The following USP9X variants were observed in gnomAD, a reference collection of about 807,000 sequenced individuals.
USP9X encodes ubiquitin carboxyl-terminal hydrolase 9X.
A neutral mutation model predicts 190.3 loss-of-function variants in USP9X; 7 were observed. The observed-to-expected ratio is 0.04, with a 90% CI of 0.02 to 0.07. The LOEUF is 0.07. Ranked by LOEUF, USP9X falls within the 10% of genes least tolerant of loss-of-function variation. The pLI is 1.00. For missense variants in USP9X, 1,010 were observed against 1,916.9 expected, an observed-to-expected ratio of 0.53 and a Z score of 8.83; for synonymous variants, 645 against 659.5, an observed-to-expected ratio of 0.98 and a Z score of 0.34.
Position 41,152,944 on chromosome X carries a change from T to G in USP9X, c.1764-4T>G. 8.3e-7 allele frequency: 1 copy of G among 1,206,624 alleles called. No individual in the cohort carries two copies. The highest frequency in any genetic ancestry group is 2.3e-4 in the Middle Eastern group (1 of 4,328). On this transcript the variant is annotated splice_region_variant and splice_polypyrimidine_tract_variant and intron_variant, in intron 13 of 44. Transcript: ENST00000378308. ...ATTATATTGTTAAGTTCTTCTCGTT[T>G]CAGTCAAACTCAGCGAAGTCCCCAT...
chrX:41,099,096 G>GTTTTTTTTTTT (rs34179321), intron 1 of USP9X, among the ~76,000 whole-genome samples: 977 of 44,246 alleles, frequency 0.022, 122 homozygotes, highest in Admixed American at 0.026. Context: ...CCAGATAATT[G>GTTTTTTTTTTT]TTTTTTTTTT....
intron 4 of USP9X, 29 bp downstream of exon 4, chrX:41,131,565 A>G (rs2062317550): frequency 8.8e-7 from 1 of 1,140,190 alleles, no homozygotes; most frequent in East Asian, 3.0e-5. Flanking sequence ...TGCTTCCTAT[A>G]ATGTATGCTA....
chrX:41,225,587 A>G (rs1458230617), intron 41 of USP9X, among the ~76,000 whole-genome samples: 3 of 112,463 alleles, frequency 2.7e-5, no homozygotes, highest in Non-Finnish European at 5.6e-5. Context: ...TATATTCTGT[A>G]AAGTCACCAC....
At chrX:41,120,605 C>T (rs905515586) in intron 1 of USP9X, among the ~76,000 whole-genome samples, 2 of 110,139 alleles carry the variant, frequency 1.8e-5, no homozygotes, top group Admixed American at 9.7e-5. Flanking sequence ...TCACGCCATT[C>T]TCCTGCCTCA....
chrX:41,123,819 G>T, intron 2 of USP9X, 95 bp downstream of exon 2: 1 of 832,722 alleles, frequency 1.2e-6, no homozygotes. Flanking sequence ...GAGGCAGGCA[G>T]ATCACTTGAG....
intron 2 of USP9X, among the ~76,000 whole-genome samples, chrX:41,125,380 A>G (rs1317337014): frequency 2.0e-5 from 2 of 100,265 alleles, no homozygotes; most frequent in African/African-American, 3.6e-5. Flanking sequence ...CGGCCGATCC[A>G]TTTTTTTTTT....
intron 9 of USP9X, among the ~76,000 whole-genome samples, chrX:41,141,854 A>G (rs1326457231): frequency 4.5e-5 from 5 of 111,932 alleles, no homozygotes; most frequent in Non-Finnish European, 7.5e-5. Context: ...AGATCTATAC[A>G]AATTGTTTTA....
chrX:41,126,859 A>G (rs1484961032), intron 2 of USP9X, among the ~76,000 whole-genome samples: 4 of 111,567 alleles, frequency 3.6e-5, no homozygotes, highest in Non-Finnish European at 7.5e-5. Context: ...GTGCTGGCAT[A>G]AAGGGAATTT....
intron 41 of USP9X, among the ~76,000 whole-genome samples, chrX:41,227,991 T>C (rs762768739): frequency 1.8e-5 from 2 of 112,042 alleles, no homozygotes; most frequent in South Asian, 3.7e-4. Context: ...TGAGCCACCG[T>C]GCCCATCCCA....
At chrX:41,127,266 A>G (rs2062263607) in intron 2 of USP9X, among the ~76,000 whole-genome samples, 1 of 111,817 alleles carries the variant, frequency 8.9e-6, no homozygotes, top group African/African-American at 3.3e-5. Context: ...TTATCTGGCC[A>G]TTAATATTTT....
At chrX:41,102,750 T>G (rs922380269) in intron 1 of USP9X, among the ~76,000 whole-genome samples, 1 of 111,597 alleles carries the variant, frequency 9.0e-6, no homozygotes, top group African/African-American at 3.3e-5. Flanking sequence ...GTTAGATAAT[T>G]TTGTCAAAAA....
intron 11 of USP9X, among the ~76,000 whole-genome samples, chrX:41,145,235 G>A (rs994174041): frequency 2.7e-5 from 3 of 111,691 alleles, no homozygotes; most frequent in South Asian, 3.7e-4. Flanking sequence ...GGTCACCAAC[G>A]TTTCTTGTTA....
At chrX:41,203,448 T>G (rs1325330326) in intron 31 of USP9X, among the ~76,000 whole-genome samples, 1 of 112,466 alleles carries the variant, frequency 8.9e-6, no homozygotes, top group Non-Finnish European at 1.9e-5. Context: ...CATACAGTGT[T>G]TGCCTTTGCA....
At chrX:41,214,541 TA>T (rs2063195005) in intron 33 of USP9X, 26 bp from the exon 34 acceptor site, 1 of 1,143,439 alleles carries the variant, frequency 8.7e-7, no homozygotes, top group East Asian at 3.1e-5. Context: ...AACTAAGGGA[TA>T]AATCCTTTTT....
intron 1 of USP9X, among the ~76,000 whole-genome samples, chrX:41,096,195 C>G (rs1057352333): frequency 8.9e-6 from 1 of 111,989 alleles, no homozygotes; most frequent in Admixed American, 9.4e-5. Flanking sequence ...GTGTCATCTT[C>G]CCCCCCGCTC....
chrX:41,137,425 GA>G (rs1360377136), intron 6 of USP9X, among the ~76,000 whole-genome samples: 1 of 111,471 alleles, frequency 9.0e-6, no homozygotes, highest in East Asian at 2.8e-4. Context: ...TAAAATTACA[GA>G]AATTGTTAAT....
At chrX:41,163,349 T>C (rs763223750) in intron 15 of USP9X, among the ~76,000 whole-genome samples, 5 of 111,276 alleles carry the variant, frequency 4.5e-5, no homozygotes, top group Admixed American at 2.9e-4. Context: ...CTGATTGGCT[T>C]GAGGGGAAAA....
intron 36 of USP9X, 77 bp downstream of exon 36, chrX:41,217,420 T>C: frequency 5.7e-6 from 6 of 1,046,471 alleles, no homozygotes; most frequent in Non-Finnish European, 7.6e-6. Flanking sequence ...TATGTTTTTC[T>C]AAACCAAGAG....
intron 1 of USP9X, among the ~76,000 whole-genome samples, chrX:41,098,258 A>G (rs2062007589): frequency 9.4e-6 from 1 of 106,717 alleles, no homozygotes; most frequent in African/African-American, 3.5e-5. Flanking sequence ...CTCCTGCCTC[A>G]GCCTCCCGAG....
Sources: allele counts gnomAD v4.1 joint callset (sites outside exome capture counted in the v4.1 genomes callset), GRCh38; gene constraint gnomAD v4.1.1; transcripts MANE v1.5; gene names NCBI Gene and HGNC (gene_info 2026-07-23, HGNC 2026-07-21).